The following C3 variants were observed in gnomAD, a reference collection of about 807,000 sequenced individuals.
C3 encodes the protein complement C3, also known as C3 and PZP-like alpha-2-macroglobulin domain-containing protein 1.
A neutral mutation model predicts 207.9 loss-of-function variants in C3; 97 were observed. The observed-to-expected ratio is 0.47, with a 90% CI of 0.40 to 0.55. The LOEUF (loss-of-function observed/expected upper bound fraction) is 0.55, where lower values mean the gene tolerates loss of function less well. Ranked by LOEUF, C3 falls within the 20% of genes least tolerant of loss-of-function variation. The pLI is 0.00. For synonymous variants in C3, 848 were observed against 857.6 expected (o/e 0.99, Z 0.20); for missense variants, 1,684 against 2,171.7 (o/e 0.78, Z 4.46).
At chr19:6,712,682 C>T in intron 9 of C3, 59 bp from the exon 10 acceptor site, 1 of 1,401,750 alleles carries the variant, frequency 7.1e-7, no homozygotes, top group South Asian at 1.2e-5. Flanking sequence ...TAGACCTCCT[C>T]CCTCAGAATG....
At chr19:6,710,114 T>C (rs141222341) in intron 13 of C3, among the ~76,000 whole-genome samples, 1,228 of 44,258 alleles carry the variant, frequency 0.028, 21 homozygotes, top group African/African-American at 0.095. Flanking sequence ...AGAGGGAGAG[T>C]GAGGGGGGAG....
At chr19:6,679,543 C>T (rs1917806688) in intron 36 of C3, 47 bp from the exon 37 acceptor site, 1 of 1,342,992 alleles carries the variant, frequency 7.4e-7, no homozygotes, top group South Asian at 1.2e-5. Context: ...GGCCTCCCTC[C>T]AAAGACCATG....
At chr19:6,703,628 A>C (rs1292325996) in intron 17 of C3, among the ~76,000 whole-genome samples, 2 of 151,996 alleles carry the variant, frequency 1.3e-5, no homozygotes, top group African/African-American at 2.4e-5. Flanking sequence ...ATAATAAAAG[A>C]AAGCAAGCAT....
chr19:6,679,646 T>TA (rs1917810439), intron 36 of C3, 150 bp from the exon 37 acceptor site: 3 of 702,402 alleles, frequency 4.3e-6, no homozygotes, highest in Non-Finnish European at 7.8e-6. Flanking sequence ...AGACCCCCTC[T>TA]ACTTTCTGAT....
intron 8 of C3, 29 bp downstream of exon 8, chr19:6,713,378 G>A: frequency 4.3e-6 from 7 of 1,613,856 alleles, no homozygotes; most frequent in African/African-American, 1.3e-5. Flanking sequence ...GACTGGGGCA[G>A]GGATCAAAGC....
chr19:6,700,023 TTAG>T (rs940011501), intron 19 of C3, among the ~76,000 whole-genome samples: 36 of 147,986 alleles, frequency 2.4e-4, no homozygotes, highest in African/African-American at 8.1e-4. Context: ...AAATGACATA[TTAG>T]TAGTAAATTA....
At chr19:6,684,731 G>T in intron 31 of C3, 44 bp downstream of exon 31, 1 of 1,594,768 alleles carries the variant, frequency 6.3e-7, no homozygotes, top group Non-Finnish European at 8.6e-7. Flanking sequence ...TCCCTCTGGG[G>T]CAGAGGGGCA....
intron 1 of C3, 83 bp downstream of exon 1, chr19:6,720,433 A>G: frequency 1.0e-6 from 1 of 990,308 alleles, no homozygotes; most frequent in Non-Finnish European, 1.6e-6. Context: ...ATGCACCCTG[A>G]ATTCTACAGG....
rs1381361373 is a variant in C3, at chr19:6,713,445, G to C, written c.838C>G (p.Gln280Glu). ...AGGGATTCAGGCAGGGAAATCCTCT[G>C]TTCGCCATCCTGGATCCCGAAGATG... ...FVIFGIQDGE[Q>E]RISLPESLKR... is the part of the protein sequence containing the mutation. Residue 280 changes from glutamine (Q) to glutamate (E), a missense_variant, in exon 8 of 41, where the codon CAG (glutamine) becomes GAG (glutamate). Physicochemically the swap from Gln to Glu is conservative, Grantham distance 29. This residue lies in a region of C3 where 1,280 missense variants were observed against 1,739.1 expected (regional missense o/e 0.74). Coordinates refer to ENST00000245907, the MANE Select transcript of C3 (RefSeq NM_000064.4). The C allele has an allele frequency of 6.2e-7, 1 of 1,613,780 alleles. No individual in the cohort carries two copies. Among genetic ancestry groups the C allele is most frequent in the East Asian group, 2.2e-5 (1 of 44,892 alleles).
chr19:6,684,560 C>G lies in C3; in HGVS notation c.4120G>C (p.Glu1374Gln), dbSNP rs779401814. Residue 1374 changes from glutamate to glutamine, a missense_variant and splice_region_variant, in exon 32 of 41, where the codon GAA becomes CAA. Physicochemically the swap from Glu to Gln is conservative, Grantham distance 29. This residue lies in a region of C3 where 346 missense variants were observed against 380.1 expected (regional missense o/e 0.91). Coordinates refer to ENST00000245907, the MANE Select transcript of C3 (RefSeq NM_000064.4). ...KVTIKPAPET[E>Q]KRPQDAKNTM... ...CAGATAAGGCCTTGATTCCTTTTACCTGTTTCCGGTGCTGGTTTTATGGTG... is the reference window on the plus strand; with the variant it reads ...CAGATAAGGCCTTGATTCCTTTTACGTGTTTCCGGTGCTGGTTTTATGGTG... 1.2e-6 allele frequency: 2 copies of G among 1,612,688 alleles called. No homozygotes were observed. Among genetic ancestry groups the G allele is most frequent in the Non-Finnish European group, 8.5e-7 (1 of 1,178,688 alleles).
chr19:6,707,764 G>A (rs762541505), intron 15 of C3, 36 bp downstream of exon 15: 1 of 1,611,148 alleles, frequency 6.2e-7, no homozygotes, highest in Non-Finnish European at 8.5e-7. Flanking sequence ...TGGAGGTGCT[G>A]TCTGTCCCTG....
At chr19:6,709,383 G>A (rs1489752673) in intron 14 of C3, among the ~76,000 whole-genome samples, 6 of 152,206 alleles carry the variant, frequency 3.9e-5, no homozygotes, top group African/African-American at 1.4e-4. Flanking sequence ...GGGAGGCAGA[G>A]GTTGCAGTGA....
rs879743888 is a variant in C3 at position 6,696,997 on chromosome 19, G to A, written c.2797-338C>T. Among the ~76,000 whole-genome samples the A allele has an allele frequency of 1.9e-4, 28 of 146,510 alleles. 1 individual carries two copies. The highest frequency in any genetic ancestry group is 3.0e-4 in the Non-Finnish European group (20 of 66,892). ...GCGGATATTGCAGTGAGCTGAGATCGCGCCACTGCACTCCAGCCTGGGGAA... is the reference window on the plus strand; with the variant it reads ...GCGGATATTGCAGTGAGCTGAGATCACGCCACTGCACTCCAGCCTGGGGAA... On this transcript the variant is annotated intron_variant, in intron 21 of 40. Transcript: ENST00000245907.
intron 33 of C3, chr19:6,682,551 T>C: frequency 2.7e-6 from 1 of 368,780 alleles, no homozygotes; most frequent in Non-Finnish European, 5.2e-6. Flanking sequence ...GCCCTCACTC[T>C]GCATGATTCA....
At chr19:6,683,731 G>A (rs1344671257) in intron 33 of C3, among the ~76,000 whole-genome samples, 11 of 152,120 alleles carry the variant, frequency 7.2e-5, no homozygotes, top group African/African-American at 2.4e-4. Context: ...GATTACAGGC[G>A]CGAGCCGCCA....
chr19:6,702,510 A>G lies in C3; in HGVS notation c.2315T>C (p.Leu772Pro). 1.2e-6 allele frequency: 2 copies of G among 1,614,168 alleles called. No homozygotes were observed. The highest frequency in any genetic ancestry group is 1.7e-6 in the Non-Finnish European group (2 of 1,179,960). ...CTCTTTCAAGTCCTCAACGTTCCAC[A>G]GCCAGCTCTCTGGGAACTCACTTCG... ...VSRSEFPESW[L>P]WNVEDLKEPP... is the part of the protein sequence containing the mutation. The change falls in exon 18 of 41, where the codon CTG becomes CCG. Residue 772 changes from leucine (L) to proline (P), a missense_variant. Physicochemically the swap from Leu to Pro is moderately conservative, Grantham distance 98 (BLOSUM62 -3). This residue lies in a region of C3 where 1,280 missense variants were observed against 1,739.1 expected (regional missense o/e 0.74). Coordinates refer to ENST00000245907, the MANE Select transcript of C3 (RefSeq NM_000064.4).
chr19:6,707,737 T>C (rs1293691609), intron 15 of C3, 63 bp downstream of exon 15: 1 of 1,606,674 alleles, frequency 6.2e-7, no homozygotes, highest in African/African-American at 1.3e-5. Flanking sequence ...AGAGCTCTGC[T>C]CCCAGCATCT....
chr19:6,714,293 C>T (rs780121511), intron 5 of C3, 45 bp from the exon 6 acceptor site: 1 of 1,609,374 alleles, frequency 6.2e-7, no homozygotes, highest in Non-Finnish European at 8.5e-7. Context: ...TCGGAGCCCC[C>T]CTGCTCCCTC....
chr19:6,719,413 T>C lies in C3; in HGVS notation c.75-10A>G, dbSNP rs1362667166. Reference sequence around the variant, plus strand: ...GGTGATGATAGAGTACCTGTCGGAGTGGGGCACGGGAGTGGGCTTGTCATT... The same window carrying C: ...GGTGATGATAGAGTACCTGTCGGAGCGGGGCACGGGAGTGGGCTTGTCATT... On this transcript the variant is annotated splice_polypyrimidine_tract_variant and intron_variant, in intron 1 of 40. Coordinates refer to ENST00000245907, the MANE Select transcript of C3 (RefSeq NM_000064.4). This position sits in a 1 kb window ranked among gnomAD's most constrained non-coding sequence, Gnocchi z 5.4. 1 of 1,613,000 alleles carries C rather than the reference T, an allele frequency of 6.2e-7. No individual in the cohort carries two copies. The highest frequency in any genetic ancestry group is 1.1e-5 in the South Asian group (1 of 91,046).
Sources: gnomAD v4.1 joint callset for allele counts (sites outside exome capture counted in the v4.1 genomes callset) on GRCh38, gnomAD v4.1.1 for gene constraint, gnomAD v4.1.1 regional missense constraint, Gnocchi (gnomAD v3.1) non-coding constraint, MANE v1.5 for transcripts, NCBI Gene and HGNC (gene_info 2026-07-23, HGNC 2026-07-21) for gene names.